Variants in KHSRP observed in about 807,000 individuals in gnomAD.
KHSRP encodes KH-type splicing regulatory protein.
Under a neutral mutation model 94.9 loss-of-function variants are expected in KHSRP, and 13 were observed. The observed-to-expected ratio is 0.14, with a 90% CI of 0.09 to 0.22. The LOEUF (loss-of-function observed/expected upper bound fraction) is 0.22. Among genes scored for constraint, KHSRP ranks in the 10% least tolerant of loss-of-function variants. The pLI is 1.00. For missense variants in KHSRP, 710 were observed against 1,010.0 expected (o/e 0.70, Z 4.03); for synonymous variants, 495 against 401.4 (o/e 1.23, Z -2.79).
rs965879915 is a variant in KHSRP at position 6,414,367 on chromosome 19, G to A, written c.*657C>T. On this transcript the variant is annotated 3_prime_UTR_variant, in exon 19 of 19. Coordinates refer to ENST00000600480, the MANE Select transcript of KHSRP (RefSeq NM_001366299.1). ...AGAGCAGGAAGAGAGGAGAGGGGCC[G>A]CGGAGGGCGGAGGCGCTAGGGTCGT... The A allele has an allele frequency of 1.6e-5, 22 of 1,349,560 alleles. No homozygotes were observed. Among genetic ancestry groups the A allele is most frequent in the Middle Eastern group, 2.6e-4 (1 of 3,864 alleles). The allele number at this position is 1,349,560 out of a possible 1,614,324, so 83.6% of individuals were successfully genotyped here.
chr19:6,423,409 C>T (rs1028495061), intron 1 of KHSRP, among the ~76,000 whole-genome samples: 2 of 152,222 alleles, frequency 1.3e-5, no homozygotes, highest in African/African-American at 4.8e-5. Flanking sequence ...GAAACCCAAA[C>T]CATGTTAAGA....
At chr19:6,420,615 T>A in intron 4 of KHSRP, 144 bp from the exon 5 acceptor site, 1 of 746,510 alleles carries the variant, frequency 1.3e-6, no homozygotes, top group Non-Finnish European at 2.3e-6. Flanking sequence ...GGCCTCAGTT[T>A]CCCCATCTGT....
intron 1 of KHSRP, among the ~76,000 whole-genome samples, chr19:6,422,992 C>A (rs1356973546): frequency 6.6e-6 from 1 of 152,192 alleles, no homozygotes; most frequent in Non-Finnish European, 1.5e-5. Flanking sequence ...AGAAGACTCT[C>A]TGGATGGCTG....
chr19:6,416,205 G>C, intron 15 of KHSRP, 93 bp downstream of exon 15: 1 of 1,052,254 alleles, frequency 9.5e-7, no homozygotes, highest in East Asian at 2.6e-5. Flanking sequence ...CCCCCCGCCT[G>C]CACTTCTAGG....
At position 6,414,094 on chromosome 19, in the gene KHSRP, A is replaced by T. The variant is rs750674142; in HGVS notation, c.*930T>A. The T allele has an allele frequency of 3.3e-6, 5 of 1,512,200 alleles. No homozygotes were observed. The highest frequency in any genetic ancestry group is 1.8e-4 in the Middle Eastern group (1 of 5,496). The allele number at this position is 1,512,200 out of a possible 1,614,324, so 93.7% of individuals were successfully genotyped here. Reference sequence around the variant, plus strand: ...AAAAAAGATTTTTCACAGATGAAGAAGTTCACATTCATTCGATTCATTGAG... The same window carrying T: ...AAAAAAGATTTTTCACAGATGAAGATGTTCACATTCATTCGATTCATTGAG... On this transcript the variant is annotated 3_prime_UTR_variant, in exon 19 of 19. Coordinates refer to ENST00000600480, the MANE Select transcript of KHSRP (RefSeq NM_001366299.1).
rs2092110523 is a variant in KHSRP, at chr19:6,413,126, A to G, written c.*1898T>C. 1.3e-5 allele frequency among the ~76,000 whole-genome samples: 1 copy of G among 74,134 alleles called. No individual in the cohort carries two copies. Among genetic ancestry groups the G allele is most frequent in the Non-Finnish European group, 2.4e-5 (1 of 41,356 alleles). 48.6% of individuals were successfully genotyped at this position (74,134 alleles called of 152,430 possible). On this transcript the variant is annotated 3_prime_UTR_variant, in exon 19 of 19. Coordinates refer to ENST00000600480, the MANE Select transcript of KHSRP (RefSeq NM_001366299.1). ...GTCTTTTTTAAACAAAAAGCACTTT[A>G]TTTAACAAAAAAAAAAAAGGGGGGG...
At chr19:6,416,250 G>A (rs1183493173) in intron 15 of KHSRP, 48 bp downstream of exon 15, 2 of 1,443,476 alleles carry the variant, frequency 1.4e-6, no homozygotes, top group Non-Finnish European at 1.9e-6. Context: ...CTTCTTGCCA[G>A]CTCAGTAAGC....
chr19:6,424,673 G>A lies in KHSRP; in HGVS notation c.29C>T (p.Pro10Leu). ...GCCGGCGGGCGGCGGCGGCCCGGGC[G>A]GGGGTCCTCCCGTGCTGTAGTCCGA... MSDYSTGGP[P>L]PGPPPPAGGG... Residue 10 changes from proline (P) to leucine (L), a missense_variant, in exon 1 of 19, where the codon CCG becomes CTG. Transcript: ENST00000600480. 3 of 1,026,172 alleles carry A rather than the reference G, an allele frequency of 2.9e-6. No individual in the cohort carries two copies. The highest frequency in any genetic ancestry group is 1.7e-5 in the African/African-American group (1 of 57,490). The allele number at this position is 1,026,172 out of a possible 1,614,324, so 63.6% of individuals were successfully genotyped here. A position where few individuals can be genotyped will look rare whatever the true frequency, so the allele number is the denominator to read the frequency against.
Position 6,414,319 on chromosome 19 carries a change from C to G in KHSRP, c.*705G>C, listed in dbSNP as rs2092124717. The G allele has an allele frequency of 7.2e-7, 1 of 1,396,340 alleles. No homozygotes were observed. The highest frequency in any genetic ancestry group is 1.5e-5 in the African/African-American group (1 of 68,528). 86.5% of individuals were successfully genotyped at this position (1,396,340 alleles called of 1,614,324 possible). A position where few individuals can be genotyped will look rare whatever the true frequency, so the allele number is the denominator to read the frequency against. ...CGCGGGACTCGCTGAAGTCACGCTG[C>G]TCCCTGATGGAGAAGGAGGGACAGA... On this transcript the variant is annotated 3_prime_UTR_variant, in exon 19 of 19. Coordinates refer to ENST00000600480, the MANE Select transcript of KHSRP (RefSeq NM_001366299.1).
intron 11 of KHSRP, 150 bp from the exon 12 acceptor site, chr19:6,417,237 AG>A (rs2092154484): frequency 1.5e-6 from 1 of 665,858 alleles, no homozygotes; most frequent in Non-Finnish European, 2.5e-6. Context: ...TCAGGGATTG[AG>A]GGGGAGGCGG....
Position 6,414,339 on chromosome 19 carries a change from G to A in KHSRP, c.*685C>T, listed in dbSNP as rs772111382. The A allele has an allele frequency of 4.6e-5, 65 of 1,400,164 alleles. No individual in the cohort carries two copies. The highest frequency in any genetic ancestry group is 2.2e-4 in the Middle Eastern group (1 of 4,624). 86.7% of individuals were successfully genotyped at this position (1,400,164 alleles called of 1,614,324 possible). The stretch of plus-strand genomic sequence containing the variant: ...CGCTGCTCCCTGATGGAGAAGGAGG[G>A]ACAGAGCAGGAAGAGAGGAGAGGGG... On this transcript the variant is annotated 3_prime_UTR_variant, in exon 19 of 19. Transcript: ENST00000600480.
chr19:6,424,486 G>A lies in KHSRP; in HGVS notation c.216C>T (p.Asp72=). ...CCCGCTGCACGGCGTCGGCGAAAGC[G>A]TCCTTGCGGATTCCCGGGCCGCCTC... ...PGGGGPGIRK[D]AFADAVQRAR... The change falls in exon 1 of 19, where the codon GAC becomes GAT. Residue 72 remains aspartate (D), a synonymous_variant. Transcript: ENST00000600480. 4.0e-6 allele frequency: 4 copies of A among 989,800 alleles called. No homozygotes were observed. In the South Asian group the frequency reaches 1.4e-4, roughly 34 times the overall value. The allele number at this position is 989,800 out of a possible 1,614,324, so 61.3% of individuals were successfully genotyped here.
intron 6 of KHSRP, among the ~76,000 whole-genome samples, chr19:6,419,632 CTCTG>C (rs2092182855): frequency 6.6e-6 from 1 of 152,220 alleles, no homozygotes; most frequent in African/African-American, 2.4e-5. Context: ...TAGCTCAGGA[CTCTG>C]AGATTCGAAA....
chr19:6,415,650 A>C lies in KHSRP; in HGVS notation c.1772T>G (p.Val591Gly), dbSNP rs1473236555. 9.8e-6 allele frequency: 15 copies of C among 1,536,720 alleles called. No homozygotes were observed. The highest frequency in any genetic ancestry group is 1.4e-5 in the African/African-American group (1 of 72,520). ...SHYYQQPPGP[V>G]PGPAPAPAAP... is the part of the protein sequence containing the mutation. ...CGCAGGGGCCGGTGCGGGGCCGGGG[A>C]CGGGGCCCGGGGGCTGCTGGTAGTA... The change falls in exon 17 of 19, where the codon GTC becomes GGC. Residue 591 changes from valine (V) to glycine (G), a missense_variant. Transcript: ENST00000600480.
chr19:6,419,786 T>A (rs2092184123), intron 6 of KHSRP, among the ~76,000 whole-genome samples: 1 of 152,174 alleles, frequency 6.6e-6, no homozygotes, highest in Non-Finnish European at 1.5e-5. Flanking sequence ...ACGCGGCAGG[T>A]CAGTGCAGTG....
chr19:6,415,027 A>G lies in KHSRP; in HGVS notation c.2241T>C (p.Pro747=). 6.7e-7 allele frequency: 1 copy of G among 1,493,624 alleles called. No individual in the cohort carries two copies. The highest frequency in any genetic ancestry group is 8.8e-7 in the Non-Finnish European group (1 of 1,130,878). The allele number at this position is 1,493,624 out of a possible 1,614,324, so 92.5% of individuals were successfully genotyped here. The change falls in exon 19 of 19, where the codon CCT becomes CCC. Residue 747 remains proline, a synonymous_variant. Transcript: ENST00000600480. The part of the protein sequence containing the change: ...AGNPFPCGVC[P] ...CACACGGCCCCCGCTGCAGGCATCAAGGGCACACCCCGCAGGGGAAGGGGT... is the reference window on the plus strand; with the variant it reads ...CACACGGCCCCCGCTGCAGGCATCAGGGGCACACCCCGCAGGGGAAGGGGT...
chr19:6,415,920 C>T lies in KHSRP; in HGVS notation c.1599-24G>A, dbSNP rs553325223. On this transcript the variant is annotated intron_variant, in intron 15 of 18. Transcript: ENST00000600480. The stretch of plus-strand genomic sequence containing the variant: ...CACTGCAGGAGAGAAGAAAGGGATG[C>T]TTGAGCAGTGGTGCGGGGGTGGCCG... 207 of 1,436,326 alleles carry T rather than the reference C, an allele frequency of 1.4e-4. No individual in the cohort carries two copies. The South Asian group carries it at 2.6e-3, about 18-fold the overall frequency. 89.0% of individuals were successfully genotyped at this position (1,436,326 alleles called of 1,614,324 possible).
Position 6,417,829 on chromosome 19 carries a change from T to C in KHSRP, c.991A>G (p.Arg331Gly). 1 of 1,613,792 alleles carries C rather than the reference T, an allele frequency of 6.2e-7. No individual in the cohort carries two copies. The part of the protein sequence containing the change: ...IGGGIDVPVP[R>G]HSVGVVIGRS... ...CCAATGACCACGCCAACAGAATGCC[T>C]GGGCACTGGCACCTGGGGAGGGAGG... Residue 331 changes from arginine (R) to glycine (G), a missense_variant, in exon 11 of 19, where the codon AGG becomes GGG. This residue lies in a region of KHSRP where 288 missense variants were observed against 501.1 expected (regional missense o/e 0.57). Coordinates refer to ENST00000600480, the MANE Select transcript of KHSRP (RefSeq NM_001366299.1).
rs1388957952 is a variant in KHSRP, at chr19:6,413,338, C to T, written c.*1686G>A. The T allele has an allele frequency of 2.9e-5, 10 of 342,656 alleles. No individual in the cohort carries two copies. Among genetic ancestry groups the T allele is most frequent in the South Asian group, 1.5e-4 (7 of 47,950 alleles). 21.2% of individuals were successfully genotyped at this position (342,656 alleles called of 1,614,324 possible). On this transcript the variant is annotated 3_prime_UTR_variant, in exon 19 of 19. Coordinates refer to ENST00000600480, the MANE Select transcript of KHSRP (RefSeq NM_001366299.1). ...GAAAGGGGGGGAGACAGACAGCACC[C>T]GCAGACGGGGAGGTTTTGTTATCAT...
Sources: allele counts gnomAD v4.1 joint callset (sites outside exome capture counted in the v4.1 genomes callset), GRCh38; gene constraint gnomAD v4.1.1; regional missense constraint gnomAD v4.1.1; transcripts MANE v1.5; gene names NCBI Gene and HGNC (gene_info 2026-07-23, HGNC 2026-07-21).